POLA1: variants seen among roughly 807,000 people sequenced by gnomAD.
POLA1 encodes DNA polymerase alpha 1, catalytic subunit.
A neutral mutation model predicts 124.0 loss-of-function variants in POLA1; 15 were observed. The ratio of observed to expected loss-of-function variants is 0.12; its 90% CI spans 0.08 to 0.19. POLA1 has a LOEUF of 0.19. Ranked by LOEUF, POLA1 falls within the 10% of genes least tolerant of loss-of-function variation. The probability of loss-of-function intolerance (pLI) is 1.00; values close to 1 mark genes in which losing one functional copy is unlikely to be tolerated. For synonymous variants in POLA1, 408 were observed against 389.4 expected (o/e 1.05, Z -0.56); for missense variants, 886 against 1,103.4 (o/e 0.80, Z 2.79).
chrX:24,863,646 T>C (rs2046751778), intron 34 of POLA1, among the ~76,000 whole-genome samples: 1 of 111,587 alleles, frequency 9.0e-6, no homozygotes, highest in African/African-American at 3.3e-5. Context: ...CGTCTACGGG[T>C]CACCCAGGCG....
At chrX:24,718,481 C>G (rs759265211) in intron 10 of POLA1, among the ~76,000 whole-genome samples, 1 of 111,327 alleles carries the variant, frequency 9.0e-6, no homozygotes, top group South Asian at 3.8e-4. Context: ...GTGGTTGTAG[C>G]ATAGTAATCA....
At chrX:24,742,266 C>G (rs767558280) in intron 22 of POLA1, 145 bp downstream of exon 22, 6 of 507,107 alleles carry the variant, frequency 1.2e-5, no homozygotes, top group African/African-American at 2.7e-5. Context: ...CAAGTTTATT[C>G]CCTTGTTTTT....
chrX:24,728,409 C>T (rs189552146), intron 15 of POLA1, among the ~76,000 whole-genome samples: 2 of 111,950 alleles, frequency 1.8e-5, no homozygotes, highest in African/African-American at 6.5e-5. Context: ...ACAGTGACTC[C>T]TTGGTATAAT....
intron 35 of POLA1, among the ~76,000 whole-genome samples, chrX:24,906,662 A>C (rs1215220263): frequency 1.8e-5 from 2 of 111,372 alleles, no homozygotes; most frequent in Non-Finnish European, 3.8e-5. Context: ...CTGTACCCCC[A>C]AAAACTATTG....
In POLA1 at chrX:24,699,042, A is replaced by G. The variant is rs771525024; in HGVS notation, c.44-383A>G. Among the ~76,000 whole-genome samples the G allele has an allele frequency of 2.7e-5, 3 of 112,263 alleles. No homozygotes were observed. In the South Asian group the frequency reaches 1.1e-3, roughly 42 times the overall value. The stretch of plus-strand genomic sequence containing the variant: ...TATTGATTGACAGATTGCAAAATGA[A>G]TAGTGCTTTTATAACCCACTGGATT... On this transcript the variant is annotated intron_variant, in intron 1 of 36. Transcript: ENST00000379068.
chrX:24,811,976 A>G (rs1481308736), intron 28 of POLA1, among the ~76,000 whole-genome samples: 3 of 112,704 alleles, frequency 2.7e-5, no homozygotes, highest in Non-Finnish European at 5.6e-5. Context: ...ACTAAAACTA[A>G]GATGTCATCT....
chrX:24,927,138 A>G (rs1347409409), intron 35 of POLA1, among the ~76,000 whole-genome samples: 1 of 110,205 alleles, frequency 9.1e-6, no homozygotes, highest in Non-Finnish European at 1.9e-5. Context: ...ACACCCAGCT[A>G]TCAGTACTTT....
chrX:24,792,593 C>T (rs995909574), intron 26 of POLA1, among the ~76,000 whole-genome samples: 3 of 111,978 alleles, frequency 2.7e-5, no homozygotes, highest in African/African-American at 9.7e-5. Context: ...AGTAACCAAG[C>T]ATATCTCTTG....
intron 26 of POLA1, among the ~76,000 whole-genome samples, chrX:24,794,165 G>C (rs1481234117): frequency 2.7e-5 from 3 of 110,613 alleles, no homozygotes; most frequent in African/African-American, 6.6e-5. Flanking sequence ...TTTTAGTAGA[G>C]ATGGTGTTTC....
At chrX:24,883,410 TAC>T (rs1198610857) in intron 34 of POLA1, among the ~76,000 whole-genome samples, 2 of 112,466 alleles carry the variant, frequency 1.8e-5, no homozygotes, top group East Asian at 5.5e-4. Context: ...AATACAAATG[TAC>T]ACAAATGAAT....
At chrX:24,795,363 C>T (rs2045586587) in intron 26 of POLA1, among the ~76,000 whole-genome samples, 1 of 111,631 alleles carries the variant, frequency 9.0e-6, no homozygotes, top group South Asian at 3.8e-4. Context: ...TTTCAATTCC[C>T]AGTCTCCTGT....
At chrX:24,935,622 T>G (rs1472783144) in intron 36 of POLA1, among the ~76,000 whole-genome samples, 1 of 112,831 alleles carries the variant, frequency 8.9e-6, no homozygotes, top group African/African-American at 3.2e-5. Context: ...CTCTTGAGCC[T>G]CATATGCTTT....
At chrX:24,817,716 T>G (rs959670111) in intron 30 of POLA1, among the ~76,000 whole-genome samples, 1 of 111,080 alleles carries the variant, frequency 9.0e-6, no homozygotes. Flanking sequence ...TACAGTAAAT[T>G]CTGATGAAAG....
intron 17 of POLA1, among the ~76,000 whole-genome samples, chrX:24,735,149 A>G (rs771065564): frequency 2.7e-5 from 3 of 112,158 alleles, no homozygotes; most frequent in African/African-American, 9.7e-5. Context: ...GGACATTTCT[A>G]TATTTTATGT....
rs772017744 is a variant in POLA1 at position 24,882,759 on chromosome X, A to T, written c.4048-5247A>T. Among the ~76,000 whole-genome samples the T allele has an allele frequency of 2.9e-5, 3 of 103,908 alleles. No homozygotes were observed. The Admixed American group carries it at 3.2e-4, about 11-fold the overall frequency. 90.2% of individuals were successfully genotyped at this position (103,908 alleles called of 115,157 possible). A position where few individuals can be genotyped will look rare whatever the true frequency, so the allele number is the denominator to read the frequency against. ...ATTTTCTTTATCCAGTCCATTGTTG[A>T]TGGGCACCTAGGTTGATTCCATGTC... On this transcript the variant is annotated intron_variant, in intron 34 of 36. Coordinates refer to ENST00000379068, the MANE Select transcript of POLA1 (RefSeq NM_001330360.2).
intron 34 of POLA1, among the ~76,000 whole-genome samples, chrX:24,854,777 T>C (rs1280963633): frequency 9.2e-6 from 1 of 108,640 alleles, no homozygotes; most frequent in African/African-American, 3.4e-5. Context: ...TGCAATGAGC[T>C]GAGATTGTGC....
At chrX:24,785,839 C>G (rs1732431435) in intron 26 of POLA1, among the ~76,000 whole-genome samples, 1 of 111,703 alleles carries the variant, frequency 9.0e-6, no homozygotes, top group Non-Finnish European at 1.9e-5. Context: ...AGTTCATCCC[C>G]TTTGGCCAAC....
Position 24,699,473 on chromosome X carries a change from A to G in POLA1, c.92A>G (p.Lys31Arg), listed in dbSNP as rs772554190. The change falls in exon 2 of 37, where the codon AAA becomes AGA. Residue 31 changes from lysine to arginine, a missense_variant. By Grantham distance (26) the Lys-to-Arg change is conservative (BLOSUM62 2). Transcript: ENST00000379068. Reference sequence around the variant, plus strand: ...GTATCTTCTCGAGCCCGGCGAGAAAAAAAATCAAAGAAGGGGCGCCAAGAA... The same window carrying G: ...GTATCTTCTCGAGCCCGGCGAGAAAGAAAATCAAAGAAGGGGCGCCAAGAA... ...SFVSSRARRE[K>R]KSKKGRQEAL... The G allele has an allele frequency of 2.5e-6, 3 of 1,187,686 alleles. No homozygotes were observed. Among genetic ancestry groups the G allele is most frequent in the Non-Finnish European group, 3.4e-6 (3 of 881,470 alleles).
intron 10 of POLA1, among the ~76,000 whole-genome samples, chrX:24,720,905 T>G (rs1930162030): frequency 8.9e-6 from 1 of 112,552 alleles, no homozygotes; most frequent in African/African-American, 3.2e-5. Flanking sequence ...ATTTCAGGTG[T>G]TCAATAGCAA....
Sources: gnomAD v4.1 joint callset for allele counts (sites outside exome capture counted in the v4.1 genomes callset) on GRCh38, gnomAD v4.1.1 for gene constraint, MANE v1.5 for transcripts, NCBI Gene and HGNC (gene_info 2026-07-23, HGNC 2026-07-21) for gene names.